The following USP9X variants were observed in gnomAD, a reference collection of about 807,000 sequenced individuals.
USP9X encodes the protein ubiquitin carboxyl-terminal hydrolase 9X.
In USP9X, 7 loss-of-function variants were observed where a neutral mutation model predicts 190.3. The observed-to-expected ratio is 0.04, with a 90% confidence interval of 0.02 to 0.07. The LOEUF (loss-of-function observed/expected upper bound fraction) is 0.07. USP9X is among the 10% of genes least tolerant of loss of function. The pLI is 1.00. For synonymous variants in USP9X, 645 were observed against 659.5 expected, an observed-to-expected ratio of 0.98 and a Z score of 0.34; for missense variants, 1,010 against 1,916.9, an observed-to-expected ratio of 0.53 and a Z score of 8.83.
chrX:41,159,879 A>G (rs1297139342), intron 14 of USP9X, among the ~76,000 whole-genome samples: 1 of 111,060 alleles, frequency 9.0e-6, no homozygotes, highest in Non-Finnish European at 1.9e-5. Flanking sequence ...ACAAAGGGAG[A>G]GGGTGGTTTG....
At chrX:41,175,233 A>G (rs1359689922) in intron 21 of USP9X, among the ~76,000 whole-genome samples, 1 of 111,561 alleles carries the variant, frequency 9.0e-6, no homozygotes, top group Non-Finnish European at 1.9e-5. Context: ...AAGATGTTTA[A>G]GATTAGGTCA....
Position 41,168,089 on chromosome X carries a change from A to G in USP9X, c.2507A>G (p.Asp836Gly). The change falls in exon 18 of 45, where the codon GAC (aspartate) becomes GGC (glycine). Residue 836 changes from aspartate to glycine, a missense_variant. By Grantham distance (94) the Asp-to-Gly change is moderately conservative (BLOSUM62 -1). This residue lies in a region of USP9X where 104 missense variants were observed against 239.8 expected (regional missense o/e 0.43). Transcript: ENST00000378308. ...SYDTLCVLDG[D>G]KDSVNCARQE... is the part of the protein sequence containing the mutation. ...GACACATTGTGTGTTTTGGATGGTG[A>G]CAAAGACAGTGTTAATTGTGCAAGA... The G allele has an allele frequency of 8.3e-7, 1 of 1,211,602 alleles. No individual in the cohort carries two copies. Among genetic ancestry groups the G allele is most frequent in the East Asian group, 3.0e-5 (1 of 33,835 alleles).
intron 24 of USP9X, among the ~76,000 whole-genome samples, chrX:41,187,563 C>T (rs2062892330): frequency 1.8e-5 from 2 of 112,403 alleles, no homozygotes; most frequent in Admixed American, 9.4e-5. Flanking sequence ...TAAGAAACTA[C>T]GAGTGGAAAG....
chrX:41,139,002 T>C (rs1464670768), intron 6 of USP9X, among the ~76,000 whole-genome samples: 3 of 112,628 alleles, frequency 2.7e-5, no homozygotes, highest in Non-Finnish European at 3.8e-5. Flanking sequence ...AGCACTCTTA[T>C]CTGAATATTC....
At position 41,232,392 on chromosome X, in the gene USP9X, C is replaced by T. The variant is rs1462406019; in HGVS notation, c.7533C>T (p.Asn2511=). Residue 2511 remains asparagine, a synonymous_variant, in exon 45 of 45, where the codon AAC becomes AAT. Coordinates refer to ENST00000378308, the MANE Select transcript of USP9X (RefSeq NM_001039591.3). ...GATCTTTTCTCCTTTCCCAGAATAA[C>T]CATGTGCATGGACAGCCATATACAG... ...HSPGSQYQQN[N]HVHGQPYTGP... 1 of 1,205,182 alleles carries T rather than the reference C, an allele frequency of 8.3e-7. No homozygotes were observed.
intron 1 of USP9X, among the ~76,000 whole-genome samples, chrX:41,117,902 G>T (rs1269000204): frequency 9.1e-6 from 1 of 109,642 alleles, no homozygotes; most frequent in South Asian, 3.9e-4. Context: ...CTGTCATCCA[G>T]GCTGGAGTTC....
At chrX:41,197,331 T>TCGCCCCCCCCCCCCC in intron 28 of USP9X, 33 bp from the exon 29 acceptor site, 1 of 486,766 alleles carries the variant, frequency 2.1e-6, no homozygotes, top group Non-Finnish European at 2.9e-6. Flanking sequence ...TTTGATTTCT[T>TCGCCCCCCCCCCCCC]CCCCCCCCCA....
chrX:41,180,364 AT>A (rs2147147383), intron 21 of USP9X, among the ~76,000 whole-genome samples: 2 of 112,847 alleles, frequency 1.8e-5, no homozygotes, highest in African/African-American at 6.4e-5. Context: ...TGAATCCTTG[AT>A]CTTGTGATTG....
In USP9X at chrX:41,162,771, G is replaced by T; in HGVS notation, c.1898-19G>T. 7.6e-6 allele frequency: 9 copies of T among 1,188,789 alleles called. No homozygotes were observed. The highest frequency in any genetic ancestry group is 1.0e-5 in the Non-Finnish European group (9 of 880,658). On this transcript the variant is annotated intron_variant, in intron 14 of 44. Coordinates refer to ENST00000378308, the MANE Select transcript of USP9X (RefSeq NM_001039591.3). ...GGGTTATCCATGTGTATAATGCATG[G>T]TTTTTTCTTAATTTGCAGACCATGA... is the stretch of plus-strand genomic sequence containing the variant.
At chrX:41,175,372 T>C (rs980211936) in intron 21 of USP9X, among the ~76,000 whole-genome samples, 2 of 110,373 alleles carry the variant, frequency 1.8e-5, no homozygotes, top group African/African-American at 6.6e-5. Flanking sequence ...ATTTCAAAAA[T>C]TAGCCAGGTG....
chrX:41,161,245 TA>T (rs772837826), intron 14 of USP9X, among the ~76,000 whole-genome samples: 12 of 109,959 alleles, frequency 1.1e-4, no homozygotes, highest in Non-Finnish European at 2.3e-4. Context: ...GTGTATTTTT[TA>T]CATGTGTGGC....
At chrX:41,201,386 T>A (rs987426214) in intron 31 of USP9X, 106 bp downstream of exon 31, 6 of 820,902 alleles carry the variant, frequency 7.3e-6, no homozygotes, top group Non-Finnish European at 8.7e-6. Context: ...TTAAAGTATA[T>A]TTGAAAGTTA....
chrX:41,104,018 T>G (rs1364416206), intron 1 of USP9X, among the ~76,000 whole-genome samples: 3 of 111,752 alleles, frequency 2.7e-5, no homozygotes, highest in Non-Finnish European at 5.6e-5. Flanking sequence ...GCACAAAATC[T>G]GATAGGAATA....
chrX:41,205,329 A>G lies in USP9X; in HGVS notation c.4851A>G (p.Val1617=), dbSNP rs1429501224. The change falls in exon 32 of 45, where the codon GTA becomes GTG. Residue 1617 remains valine (V), a synonymous_variant. Coordinates refer to ENST00000378308, the MANE Select transcript of USP9X (RefSeq NM_001039591.3). The stretch of plus-strand genomic sequence containing the variant: ...GCAATGTTGATCCCAGGGATGATGT[A>G]TTTGGATATCCTCAACAATTTGAAG... ...NESNVDPRDD[V]FGYPQQFEDK... 1 of 1,201,782 alleles carries G rather than the reference A, an allele frequency of 8.3e-7. No individual in the cohort carries two copies. The highest frequency in any genetic ancestry group is 2.2e-5 in the Admixed American group (1 of 44,495).
At position 41,170,214 on chromosome X, in the gene USP9X, A is replaced by G. The variant is rs2062713344; in HGVS notation, c.2856A>G (p.Gln952=). The part of the protein sequence containing the change: ...DPADDRKLIG[Q]LNLKDKSLIT... Reference sequence around the variant, plus strand: ...CAGATGATAGAAAGTTGATTGGACAATTAAACTTAAAAGATAAATCGGTAT... The same window carrying G: ...CAGATGATAGAAAGTTGATTGGACAGTTAAACTTAAAAGATAAATCGGTAT... The change falls in exon 19 of 45, where the codon CAA becomes CAG. Residue 952 remains glutamine (Q), a synonymous_variant. Coordinates refer to ENST00000378308, the MANE Select transcript of USP9X (RefSeq NM_001039591.3). The G allele has an allele frequency of 1.7e-6, 2 of 1,210,717 alleles. No homozygotes were observed. Among genetic ancestry groups the G allele is most frequent in the Non-Finnish European group, 2.2e-6 (2 of 894,578 alleles).
At chrX:41,184,149 G>A (rs780123756) in intron 22 of USP9X, 21 bp downstream of exon 22, 4 of 1,171,468 alleles carry the variant, frequency 3.4e-6, no homozygotes, top group East Asian at 6.0e-5. Context: ...GGGGTTTTTT[G>A]TTGTTGTTGT....
intron 21 of USP9X, among the ~76,000 whole-genome samples, chrX:41,180,113 C>A (rs1181021802): frequency 3.6e-5 from 4 of 112,090 alleles, no homozygotes; most frequent in Non-Finnish European, 7.5e-5. Context: ...TTTATTACCT[C>A]CATTTTCTAA....
Position 41,196,165 on chromosome X carries a change from A to C in USP9X, c.3978-86A>C, listed in dbSNP as rs1003335562. The stretch of plus-strand genomic sequence containing the variant: ...TTTATTTCCCTTTTATACTCCCCCC[A>C]CCTCTCCTCCCCAAGAGGGAACAAT... On this transcript the variant is annotated intron_variant, in intron 26 of 44. Transcript: ENST00000378308. 2.3e-5 allele frequency: 25 copies of C among 1,066,458 alleles called. No individual in the cohort carries two copies. The African/African-American group carries it at 4.5e-4, about 19-fold the overall frequency. The allele number at this position is 1,066,458 out of a possible 1,213,427, so 87.9% of individuals were successfully genotyped here. A position where few individuals can be genotyped will look rare whatever the true frequency, so the allele number is the denominator to read the frequency against.
At chrX:41,191,888 A>T (rs1404678704) in intron 26 of USP9X, among the ~76,000 whole-genome samples, 1 of 111,844 alleles carries the variant, frequency 8.9e-6, no homozygotes. Flanking sequence ...GGCAGGATTT[A>T]TATGTGCATA....
Sources: allele counts gnomAD v4.1 joint callset (sites outside exome capture counted in the v4.1 genomes callset), GRCh38; gene constraint gnomAD v4.1.1; regional missense constraint gnomAD v4.1.1; transcripts MANE v1.5; gene names NCBI Gene and HGNC (gene_info 2026-07-23, HGNC 2026-07-21).